CEP85L: variants seen among roughly 807,000 people sequenced by gnomAD.
CEP85L encodes centrosomal protein 85L, also known as centrosomal protein of 85 kDa-like.
CEP85L carries 60 observed loss-of-function variants against 100.3 expected under a neutral mutation model. The ratio of observed to expected loss-of-function variants is 0.60; its 90% CI spans 0.49 to 0.74. The LOEUF is 0.74. Ranked by LOEUF, CEP85L falls within the 30% of genes least tolerant of loss-of-function variation. The pLI is 0.00. For missense variants in CEP85L, 973 were observed against 936.2 expected, an observed-to-expected ratio of 1.04 and a Z score of -0.51; for synonymous variants, 319 against 322.7, an observed-to-expected ratio of 0.99 and a Z score of 0.12.
intron 3 of CEP85L, among the ~76,000 whole-genome samples, chr6:118,531,736 C>T (rs773913114): frequency 6.6e-6 from 1 of 151,870 alleles, no homozygotes; most frequent in Admixed American, 6.6e-5. Context: ...AACATACATG[C>T]GGCCAGCAAG....
chr6:118,641,941 C>T (rs1313183162), intron 1 of CEP85L, among the ~76,000 whole-genome samples: 1 of 151,822 alleles, frequency 6.6e-6, no homozygotes, highest in Admixed American at 6.6e-5. Flanking sequence ...TCAAATGAAA[C>T]GTTCAATATG....
intron 1 of CEP85L, among the ~76,000 whole-genome samples, chr6:118,641,293 A>G (rs1774852470): frequency 6.6e-6 from 1 of 152,186 alleles, no homozygotes; most frequent in South Asian, 2.1e-4. Flanking sequence ...TTTTAACATC[A>G]TTCCAAGAGA....
At chr6:118,558,668 G>C (rs374499546) in intron 3 of CEP85L, among the ~76,000 whole-genome samples, 1,926 of 108,354 alleles carry the variant, frequency 0.018, 17 homozygotes, top group South Asian at 0.025. Context: ...CACAGAGAGA[G>C]AGAGAGAGAG....
intron 1 of CEP85L, among the ~76,000 whole-genome samples, chr6:118,681,748 CTTTTTTT>C (rs199966143): frequency 8.0e-6 from 1 of 124,752 alleles, no homozygotes; most frequent in African/African-American, 3.0e-5. Flanking sequence ...ATAATTATTT[CTTTTTTT>C]TTTTTTTTTT....
At chr6:118,644,821 T>A (rs543034727) in intron 1 of CEP85L, among the ~76,000 whole-genome samples, 1 of 152,316 alleles carries the variant, frequency 6.6e-6, no homozygotes, top group African/African-American at 2.4e-5. Flanking sequence ...ATAACTGCAA[T>A]GGCCTATTAG....
At chr6:118,673,316 C>T (rs556878777) in intron 1 of CEP85L, among the ~76,000 whole-genome samples, 1 of 152,124 alleles carries the variant, frequency 6.6e-6, no homozygotes, top group East Asian at 1.9e-4. Flanking sequence ...ATTGAATATC[C>T]AAAGGGATAT....
chr6:118,669,836 C>G (rs752188817), intron 1 of CEP85L, among the ~76,000 whole-genome samples: 3 of 151,478 alleles, frequency 2.0e-5, no homozygotes, highest in Non-Finnish European at 4.4e-5. Flanking sequence ...GTTAGAGTTA[C>G]AACCATTTGG....
At chr6:118,708,848 C>T (rs1777684930) in intron 1 of CEP85L, among the ~76,000 whole-genome samples, 1 of 152,100 alleles carries the variant, frequency 6.6e-6, no homozygotes, top group Admixed American at 6.6e-5. Flanking sequence ...ATCCTGTTAA[C>T]CTCACTTTAA....
At chr6:118,480,086 T>C (rs1562181065) in intron 9 of CEP85L, among the ~76,000 whole-genome samples, 165 bp from the exon 10 acceptor site, 2 of 152,108 alleles carry the variant, frequency 1.3e-5, no homozygotes, top group East Asian at 1.9e-4. Flanking sequence ...CGTATAAAAC[T>C]ACAAAAGTCT....
chr6:118,552,529 T>C (rs1562253348), intron 3 of CEP85L, among the ~76,000 whole-genome samples: 1 of 151,996 alleles, frequency 6.6e-6, no homozygotes, highest in Admixed American at 6.6e-5. Context: ...GGAGTTGATA[T>C]ATAGTAGCTT....
chr6:118,691,290 TG>T (rs1777035951), intron 1 of CEP85L, among the ~76,000 whole-genome samples: 1 of 151,874 alleles, frequency 6.6e-6, no homozygotes, highest in Non-Finnish European at 1.5e-5. Flanking sequence ...CCCAGCACTT[TG>T]GGAGGCCAAG....
intron 2 of CEP85L, among the ~76,000 whole-genome samples, chr6:118,586,699 A>C (rs903377677): frequency 6.6e-6 from 1 of 152,210 alleles, no homozygotes; most frequent in African/African-American, 2.4e-5. Context: ...AAGTAACTAT[A>C]TGAGAACTAA....
chr6:118,465,447 G>A lies in CEP85L; in HGVS notation c.2376C>T (p.Asp792=). ...DIDELRTTIS[D]RYAQDMGDNC... ...TGTCTCCCATGTCCTGAGCATAGCG[G>A]TCTGATATTGTAGTCCTTAATTCAT... Residue 792 remains aspartate (D), a synonymous_variant, in exon 13 of 13, where the codon GAC becomes GAT. Transcript: ENST00000368491. 6.2e-7 allele frequency: 1 copy of A among 1,613,514 alleles called. No individual in the cohort carries two copies.
intron 2 of CEP85L, among the ~76,000 whole-genome samples, chr6:118,618,517 A>T (rs751231541): frequency 1.8e-4 from 27 of 152,160 alleles, no homozygotes; most frequent in Non-Finnish European, 1.0e-4. Flanking sequence ...TCCCCAGATG[A>T]ATTTCCTTTT....
At chr6:118,518,324 C>T (rs11760114) in intron 4 of CEP85L, among the ~76,000 whole-genome samples, 55,007 of 151,948 alleles carry the variant, frequency 0.36, 10,728 homozygotes, top group Non-Finnish European at 0.45. Context: ...CCTCTTTGTA[C>T]CTCTGTTAGA....
In CEP85L at chr6:118,469,131, A is replaced by C. The variant is rs1417474411; in HGVS notation, c.2195T>G (p.Ile732Ser). 6 of 1,613,934 alleles carry C rather than the reference A, an allele frequency of 3.7e-6. No homozygotes were observed. The African/African-American group carries it at 6.7e-5, about 18-fold the overall frequency. ...CLFDLKALCS[I>S]LNQRAQGKEP... ...CTTGCCCTGAGCACGCTGATTAAGA[A>C]TACTACACAATGCTTTCAAGTCAAA... Residue 732 changes from isoleucine to serine, a missense_variant, in exon 12 of 13, where the codon ATT (isoleucine) becomes AGT (serine). Physicochemically the swap from Ile to Ser is moderately radical, Grantham distance 142. This residue lies in a region of CEP85L where 890 missense variants were observed against 844.5 expected (regional missense o/e 1.05). Coordinates refer to ENST00000368491, the MANE Select transcript of CEP85L (RefSeq NM_001042475.3).
At chr6:118,573,910 A>G (rs1345732862) in intron 2 of CEP85L, 2 of 152,224 alleles carry the variant, frequency 1.3e-5, no homozygotes, top group African/African-American at 2.4e-5. Context: ...TAAAATTCAT[A>G]AAAGAAATCT....
chr6:118,652,413 G>C, upstream of CEP85L: 1 of 1,123,222 alleles, frequency 8.9e-7, no homozygotes, highest in Non-Finnish European at 1.1e-6. Flanking sequence ...CTTCTCACTG[G>C]CAATATGGTG....
At chr6:118,582,346 T>C (rs932142441) in intron 2 of CEP85L, among the ~76,000 whole-genome samples, 1 of 152,216 alleles carries the variant, frequency 6.6e-6, no homozygotes, top group Non-Finnish European at 1.5e-5. Flanking sequence ...AAAATTTAAC[T>C]CAGGTGTTTG....
Sources: allele counts gnomAD v4.1 joint callset (sites outside exome capture counted in the v4.1 genomes callset), GRCh38; gene constraint gnomAD v4.1.1; regional missense constraint gnomAD v4.1.1; transcripts MANE v1.5; gene names NCBI Gene and HGNC (gene_info 2026-07-23, HGNC 2026-07-21).